Variants in TNR observed in about 807,000 individuals in gnomAD.
TNR encodes the protein tenascin-R.
TNR carries 45 observed loss-of-function variants against 150.4 expected under a neutral mutation model. That is an observed-to-expected ratio of 0.30 (90% CI 0.24 to 0.38). The LOEUF (loss-of-function observed/expected upper bound fraction) is 0.38. Among genes scored for constraint, TNR ranks in the 10% least tolerant of loss-of-function variants. TNR has a pLI of 1.00. For missense variants in TNR, 1,544 were observed against 1,759.1 expected (o/e 0.88, Z 2.19); for synonymous variants, 687 against 678.4 (o/e 1.01, Z -0.20).
chr1:175,683,357 A>G (rs750517429), intron 1 of TNR, among the ~76,000 whole-genome samples: 1 of 152,202 alleles, frequency 6.6e-6, no homozygotes, highest in Non-Finnish European at 1.5e-5. Flanking sequence ...ACATGTTACC[A>G]GTACTGATCA....
intron 1 of TNR, among the ~76,000 whole-genome samples, chr1:175,595,962 C>T (rs759756202): frequency 6.2e-5 from 9 of 145,346 alleles, no homozygotes; most frequent in African/African-American, 2.2e-4. Flanking sequence ...TGGAGGCAGG[C>T]GAATATGATA....
intron 1 of TNR, among the ~76,000 whole-genome samples, chr1:175,673,765 G>A (rs1665774486): frequency 6.6e-6 from 1 of 152,230 alleles, no homozygotes; most frequent in Admixed American, 6.5e-5. Context: ...GGTAGAATTA[G>A]AAAGAACTGA....
At chr1:175,548,323 G>A (rs1660794938) in intron 1 of TNR, among the ~76,000 whole-genome samples, 1 of 152,056 alleles carries the variant, frequency 6.6e-6, no homozygotes, top group South Asian at 2.1e-4. Flanking sequence ...TGCTAAGAAT[G>A]AAGGCAGAAT....
At chr1:175,657,360 G>C (rs536314147) in intron 1 of TNR, among the ~76,000 whole-genome samples, 1 of 152,274 alleles carries the variant, frequency 6.6e-6, no homozygotes, top group South Asian at 2.1e-4. Context: ...AAGTCAGTGT[G>C]GCAATTCCTC....
chr1:175,593,849 C>A (rs1033571981), intron 1 of TNR, among the ~76,000 whole-genome samples: 3 of 152,180 alleles, frequency 2.0e-5, no homozygotes, highest in African/African-American at 7.2e-5. Context: ...CAAGTGTCCT[C>A]CCAAACAGAT....
chr1:175,327,945 T>G (rs1040690720), intron 21 of TNR, among the ~76,000 whole-genome samples: 2 of 152,076 alleles, frequency 1.3e-5, no homozygotes, highest in African/African-American at 4.8e-5. Context: ...CCATCTCTAC[T>G]AAAAATACAA....
At chr1:175,439,009 A>C (rs1655651095) in intron 2 of TNR, among the ~76,000 whole-genome samples, 1 of 152,228 alleles carries the variant, frequency 6.6e-6, no homozygotes, top group African/African-American at 2.4e-5. Flanking sequence ...TTCTTCACAG[A>C]ATTGGAAAAA....
At chr1:175,337,722 C>T (rs779806619) in intron 18 of TNR, 43 bp from the exon 19 acceptor site, 1 of 1,603,404 alleles carries the variant, frequency 6.2e-7, no homozygotes, top group Non-Finnish European at 8.5e-7. Flanking sequence ...TTCTTTCTCT[C>T]ACAGTGCACA....
intron 1 of TNR, among the ~76,000 whole-genome samples, chr1:175,735,403 G>A (rs370476221): frequency 4.6e-5 from 7 of 152,344 alleles, no homozygotes; most frequent in African/African-American, 1.7e-4. Context: ...CAAATTCACA[G>A]GGGACATCAT....
At chr1:175,419,851 C>T (rs1654672156) in intron 2 of TNR, among the ~76,000 whole-genome samples, 1 of 152,134 alleles carries the variant, frequency 6.6e-6, no homozygotes, top group Admixed American at 6.5e-5. Context: ...CTTTGCAGTG[C>T]ACTGCTGTGT....
chr1:175,420,614 T>C (rs1654707537), intron 2 of TNR, among the ~76,000 whole-genome samples: 1 of 152,232 alleles, frequency 6.6e-6, no homozygotes, highest in Non-Finnish European at 1.5e-5. Flanking sequence ...TGAAAAGCAC[T>C]AAAATGAGTC....
At chr1:175,633,650 G>A (rs1664403287) in intron 1 of TNR, among the ~76,000 whole-genome samples, 1 of 152,140 alleles carries the variant, frequency 6.6e-6, no homozygotes, top group African/African-American at 2.4e-5. Flanking sequence ...TAGGGAAGTG[G>A]TGAATGGATG....
At chr1:175,591,978 C>T (rs117927724) in intron 1 of TNR, among the ~76,000 whole-genome samples, 2 of 152,158 alleles carry the variant, frequency 1.3e-5, no homozygotes, top group Non-Finnish European at 2.9e-5. Context: ...TAAACAGAGA[C>T]TCCTGGTCAC....
Position 175,572,311 on chromosome 1 carries a change from A to G in TNR, c.-164-43942T>C, listed in dbSNP as rs145980626. The stretch of plus-strand genomic sequence containing the variant: ...GCTAAGCAGTGAGGATACCATAAAG[A>G]ATATGACATTTACATCTGGAAATAT... On this transcript the variant is annotated intron_variant, in intron 1 of 22. Transcript: ENST00000367674. Among the ~76,000 whole-genome samples, 264 of 152,352 alleles carry G rather than the reference A, an allele frequency of 1.7e-3. 4 individuals carry two copies. In the East Asian group the frequency reaches 0.042, roughly 24 times the overall value.
chr1:175,409,188 G>T (rs757740500), intron 2 of TNR, among the ~76,000 whole-genome samples: 1 of 152,154 alleles, frequency 6.6e-6, no homozygotes, highest in Non-Finnish European at 1.5e-5. Context: ...ACACACAGAC[G>T]GGGTCTTGGC....
chr1:175,479,962 T>C (rs1657711218), intron 2 of TNR, among the ~76,000 whole-genome samples: 2 of 152,080 alleles, frequency 1.3e-5, no homozygotes, highest in Non-Finnish European at 2.9e-5. Flanking sequence ...GTAGCTCCTG[T>C]CTTCATGTTC....
chr1:175,563,844 G>C (rs1353819783), intron 1 of TNR, among the ~76,000 whole-genome samples: 3 of 152,158 alleles, frequency 2.0e-5, no homozygotes, highest in Non-Finnish European at 4.4e-5. Flanking sequence ...TGACATGTTG[G>C]CTGGGTGATA....
At position 175,439,075 on chromosome 1, in the gene TNR, T is replaced by G. The variant is rs1655655037; in HGVS notation, c.-63-32298A>C. Among the ~76,000 whole-genome samples the G allele has an allele frequency of 3.9e-5, 6 of 152,220 alleles. 1 individual carries two copies. Among genetic ancestry groups the G allele is most frequent in the Admixed American group, 3.9e-4 (6 of 15,284 alleles). On this transcript the variant is annotated intron_variant, in intron 2 of 22. Coordinates refer to ENST00000367674, the MANE Select transcript of TNR (RefSeq NM_003285.3). Reference sequence around the variant, plus strand: ...TGAGCCCTCATTGCAAAGTCAATCCTAAGCCAAAAGAACAAAGCTGGAGGC... The same window carrying G: ...TGAGCCCTCATTGCAAAGTCAATCCGAAGCCAAAAGAACAAAGCTGGAGGC...
intron 1 of TNR, among the ~76,000 whole-genome samples, chr1:175,698,174 A>G (rs1666586854): frequency 6.6e-6 from 1 of 152,188 alleles, no homozygotes; most frequent in African/African-American, 2.4e-5. Flanking sequence ...GGCACTTACA[A>G]TCTAGGTTAG....
Sources: gnomAD v4.1 joint callset for allele counts (sites outside exome capture counted in the v4.1 genomes callset) on GRCh38, gnomAD v4.1.1 for gene constraint, MANE v1.5 for transcripts, NCBI Gene and HGNC (gene_info 2026-07-23, HGNC 2026-07-21) for gene names.